The following VPS13D variants were observed in gnomAD, a reference collection of about 807,000 sequenced individuals.
VPS13D encodes vacuolar protein sorting 13 homolog D.
In VPS13D, 187 loss-of-function variants were observed where a neutral mutation model predicts 461.9. That is an observed-to-expected ratio of 0.40 (90% CI 0.36 to 0.46). The LOEUF is 0.46. Among genes scored for constraint, VPS13D ranks in the 20% least tolerant of loss-of-function variants. The pLI is 0.60. For missense variants in VPS13D, 4,711 were observed against 5,364.9 expected (o/e 0.88, Z 3.81); for synonymous variants, 1,951 against 1,986.3 (o/e 0.98, Z 0.47).
chr1:12,410,340 G>A (rs1401976924), intron 63 of VPS13D, among the ~76,000 whole-genome samples: 6 of 152,130 alleles, frequency 3.9e-5, no homozygotes, highest in Admixed American at 3.3e-4. Context: ...GCCTCATAAG[G>A]ACTAAAACAC....
chr1:12,260,880 AACAGCAGCATATC>A (rs1641085422), intron 11 of VPS13D, 55 bp from the exon 12 acceptor site: 1 of 1,609,236 alleles, frequency 6.2e-7, no homozygotes, highest in Admixed American at 1.7e-5. Flanking sequence ...CCTGTGGGGA[AACAGCAGCATATC>A]ACAGCTTGCT....
chr1:12,412,021 A>G (rs943295263), intron 63 of VPS13D, among the ~76,000 whole-genome samples: 1 of 152,218 alleles, frequency 6.6e-6, no homozygotes, highest in African/African-American at 2.4e-5. Context: ...AGGTGGAGGG[A>G]ACATAGACTT....
At position 12,271,281 on chromosome 1, in the gene VPS13D, A is replaced by C. The variant is rs578251763; in HGVS notation, c.2103+157A>C. ...TCCTTATCAGCTAGCATAGAATAGAATCTTGTGTCTTTTATAGTCAGGGTT... is the reference window on the plus strand; with the variant it reads ...TCCTTATCAGCTAGCATAGAATAGACTCTTGTGTCTTTTATAGTCAGGGTT... On this transcript the variant is annotated intron_variant, in intron 17 of 69. Coordinates refer to ENST00000620676, the MANE Select transcript of VPS13D (RefSeq NM_015378.4). 7.2e-5 allele frequency among the ~76,000 whole-genome samples: 11 copies of C among 152,296 alleles called. No individual in the cohort carries two copies. In the South Asian group the frequency reaches 1.7e-3, roughly 23 times the overall value.
intron 67 of VPS13D, among the ~76,000 whole-genome samples, chr1:12,494,442 T>C (rs1301219597): frequency 2.0e-5 from 3 of 152,220 alleles, no homozygotes; most frequent in African/African-American, 7.2e-5. Context: ...ACTAGAAAGC[T>C]GTTTGATCGT....
chr1:12,383,245 T>G, intron 58 of VPS13D, 90 bp downstream of exon 58: 1 of 1,300,124 alleles, frequency 7.7e-7, no homozygotes, highest in East Asian at 2.5e-5. Flanking sequence ...TTGAACATGT[T>G]TATGCCAGAT....
intron 33 of VPS13D, 69 bp from the exon 34 acceptor site, chr1:12,322,466 AT>A: frequency 6.9e-7 from 1 of 1,456,778 alleles, no homozygotes; most frequent in African/African-American, 1.4e-5. Flanking sequence ...TAGGAATTAC[AT>A]CTGTAAGAGA....
intron 67 of VPS13D, among the ~76,000 whole-genome samples, chr1:12,471,487 G>A (rs1319296360): frequency 1.3e-5 from 2 of 152,064 alleles, no homozygotes; most frequent in Non-Finnish European, 2.9e-5. Context: ...CCTGATTCCT[G>A]CTCCCTCAGA....
intron 60 of VPS13D, among the ~76,000 whole-genome samples, chr1:12,393,395 G>C (rs1330162606): frequency 6.6e-6 from 1 of 152,240 alleles, no homozygotes; most frequent in Non-Finnish European, 1.5e-5. Context: ...CTTCTGGTAG[G>C]CCTTGTGGAC....
At chr1:12,493,516 C>G in intron 67 of VPS13D, among the ~76,000 whole-genome samples, 1 of 151,576 alleles carries the variant, frequency 6.6e-6, no homozygotes. Flanking sequence ...AGAGTCCTTT[C>G]CCTCCAGGTG....
In VPS13D at chr1:12,493,197, A is replaced by G. The variant is rs1042474036; in HGVS notation, c.12663-4303A>G. On this transcript the variant is annotated intron_variant, in intron 67 of 69. Transcript: ENST00000620676. ...AGACCAGTTATTAAAAAAAAAAAAAAAAAAGGACTGGCCGGGTGCGGTGGC... is the reference window on the plus strand; with the variant it reads ...AGACCAGTTATTAAAAAAAAAAAAAGAAAAGGACTGGCCGGGTGCGGTGGC... 4.0e-5 allele frequency among the ~76,000 whole-genome samples: 6 copies of G among 151,758 alleles called. No homozygotes were observed. The South Asian group carries it at 1.2e-3, about 31-fold the overall frequency.
chr1:12,353,631 C>T (rs1020007029), intron 46 of VPS13D, among the ~76,000 whole-genome samples: 2 of 150,812 alleles, frequency 1.3e-5, no homozygotes, highest in East Asian at 3.9e-4. Context: ...ACAACTAATC[C>T]ATAGTGATAA....
In VPS13D at chr1:12,260,947, G is replaced by C; in HGVS notation, c.1213-1G>C. The C allele has an allele frequency of 6.2e-7, 1 of 1,613,962 alleles. No individual in the cohort carries two copies. The highest frequency in any genetic ancestry group is 8.5e-7 in the Non-Finnish European group (1 of 1,180,018). On this transcript the variant is annotated splice_acceptor_variant, in intron 11 of 69. Coordinates refer to ENST00000620676, the MANE Select transcript of VPS13D (RefSeq NM_015378.4). LOFTEE classifies it high-confidence loss of function. ...TCTCTGCTCCTTTGTGATTGACACA[G>C]AGTCTGCGGGAGCCTCAGTTTGATT...
At chr1:12,379,447 A>G in intron 56 of VPS13D, 41 bp from the exon 57 acceptor site, 1 of 1,579,106 alleles carries the variant, frequency 6.3e-7, no homozygotes, top group East Asian at 2.3e-5. Context: ...GAAACAGTTG[A>G]CTCGGAGGTT....
chr1:12,270,040 A>G (rs1641391272), intron 16 of VPS13D, among the ~76,000 whole-genome samples: 1 of 152,164 alleles, frequency 6.6e-6, no homozygotes, highest in South Asian at 2.1e-4. Context: ...CTGTAGCCCC[A>G]GCTACTCGGG....
At chr1:12,389,060 G>C (rs961430618) in intron 60 of VPS13D, among the ~76,000 whole-genome samples, 2 of 152,316 alleles carry the variant, frequency 1.3e-5, no homozygotes, top group East Asian at 3.9e-4. Context: ...GGAGCAAGGA[G>C]AACCAGTCCG....
intron 60 of VPS13D, among the ~76,000 whole-genome samples, chr1:12,399,745 G>A (rs543562897): frequency 6.6e-6 from 1 of 150,820 alleles, no homozygotes; most frequent in African/African-American, 2.5e-5. Context: ...CTTGAATCCA[G>A]GAGGCAGAGG....
chr1:12,486,639 C>T (rs12125606), intron 67 of VPS13D, among the ~76,000 whole-genome samples: 27,539 of 152,116 alleles, frequency 0.18, 3,064 homozygotes, highest in Middle Eastern at 0.24. Context: ...TTCTAGTGTC[C>T]CCCCCACGTT....
intron 20 of VPS13D, among the ~76,000 whole-genome samples, chr1:12,281,890 T>A (rs964076855): frequency 3.6e-4 from 51 of 143,044 alleles, no homozygotes; most frequent in South Asian, 2.2e-3. Flanking sequence ...TGCCTGAAAA[T>A]TTTTTTTTTT....
intron 57 of VPS13D, among the ~76,000 whole-genome samples, chr1:12,379,962 A>G (rs113400518): frequency 0.066 from 10,063 of 151,918 alleles, 515 homozygotes; most frequent in African/African-American, 0.13. Context: ...GTAGAGATGG[A>G]GTTTCACCAT....
Sources: allele counts gnomAD v4.1 joint callset (sites outside exome capture counted in the v4.1 genomes callset), GRCh38; gene constraint gnomAD v4.1.1; transcripts MANE v1.5; gene names NCBI Gene and HGNC (gene_info 2026-07-23, HGNC 2026-07-21).